The following EPHB2 variants were observed in gnomAD, a reference collection of about 807,000 sequenced individuals.
The protein encoded by EPHB2 is ephrin type-B receptor 2.
A neutral mutation model predicts 96.4 loss-of-function variants in EPHB2; 18 were observed. The observed-to-expected ratio is 0.19, with a 90% CI of 0.13 to 0.28. The LOEUF (loss-of-function observed/expected upper bound fraction) is 0.28, where lower values mean the gene tolerates loss of function less well. Ranked by LOEUF, EPHB2 falls within the 10% of genes least tolerant of loss-of-function variation. EPHB2 has a pLI of 1.00. For synonymous variants in EPHB2, 506 were observed against 534.1 expected, an observed-to-expected ratio of 0.95 and a Z score of 0.72; for missense variants, 989 against 1,355.4, an observed-to-expected ratio of 0.73 and a Z score of 4.25.
intron 1 of EPHB2, among the ~76,000 whole-genome samples, chr1:22,764,771 C>T (rs537706140): frequency 6.6e-6 from 1 of 152,224 alleles, no homozygotes; most frequent in South Asian, 2.1e-4. Context: ...AGGCCACTCT[C>T]TCAGACCCTG....
At chr1:22,757,566 A>T (rs10917291) in intron 1 of EPHB2, among the ~76,000 whole-genome samples, 140,931 of 152,184 alleles carry the variant, frequency 0.93, 66,220 homozygotes, top group East Asian at 1. Context: ...TTTACCCTAA[A>T]GATATTAAAA....
rs750106983 is a variant in EPHB2 at position 22,914,566 on chromosome 1, A to G, written c.*996A>G. 1.3e-5 allele frequency: 2 copies of G among 152,520 alleles called. No individual in the cohort carries two copies. The highest frequency in any genetic ancestry group is 2.9e-5 in the Non-Finnish European group (2 of 68,026). The allele number at this position is 152,520 out of a possible 1,614,324, so 9.4% of individuals were successfully genotyped here. The stretch of plus-strand genomic sequence containing the variant: ...TGTTTTTTGGTTTTTTTTAATGACA[A>G]TGAAGTGACACTTTGACATTTCCTA... On this transcript the variant is annotated 3_prime_UTR_variant, in exon 16 of 16. Coordinates refer to ENST00000374630, the MANE Select transcript of EPHB2 (RefSeq NM_017449.5).
At chr1:22,773,984 G>T (rs1365606386) in intron 1 of EPHB2, among the ~76,000 whole-genome samples, 1 of 152,222 alleles carries the variant, frequency 6.6e-6, no homozygotes, top group Non-Finnish European at 1.5e-5. Flanking sequence ...ACGATGAAAT[G>T]GGATAATGAG....
intron 1 of EPHB2, among the ~76,000 whole-genome samples, chr1:22,778,574 G>GAGT (rs1644485328): frequency 6.6e-6 from 1 of 152,222 alleles, no homozygotes; most frequent in South Asian, 2.1e-4. Flanking sequence ...GCAAAGCCAG[G>GAGT]AGTGGCACAG....
chr1:22,735,078 T>C (rs1313105666), intron 1 of EPHB2, among the ~76,000 whole-genome samples: 1 of 152,148 alleles, frequency 6.6e-6, no homozygotes. Flanking sequence ...TACCGACTCC[T>C]GTGGCCTGTG....
In EPHB2 at chr1:22,907,626, G is replaced by A. The variant is rs139327536; in HGVS notation, c.2137-327G>A. On this transcript the variant is annotated intron_variant, in intron 11 of 15. Coordinates refer to ENST00000374630, the MANE Select transcript of EPHB2 (RefSeq NM_017449.5). ...TGTATAACCCAGAATAGCCCTGGGG[G>A]ATGGGTGTGATTTAGGCCCATTTAA... 6.6e-5 allele frequency among the ~76,000 whole-genome samples: 10 copies of A among 152,338 alleles called. No homozygotes were observed. The East Asian group carries it at 1.9e-3, about 29-fold the overall frequency.
chr1:22,824,697 T>G (rs977783886), intron 3 of EPHB2, among the ~76,000 whole-genome samples: 3 of 152,276 alleles, frequency 2.0e-5, no homozygotes, highest in Non-Finnish European at 4.4e-5. Context: ...AATGAACAGC[T>G]AATTAACATC....
At chr1:22,725,019 T>C (rs1260165195) in intron 1 of EPHB2, among the ~76,000 whole-genome samples, 2 of 152,094 alleles carry the variant, frequency 1.3e-5, no homozygotes, top group African/African-American at 2.4e-5. Flanking sequence ...TCCCTCTCAC[T>C]GGCCCCTCCC....
chr1:22,894,764 TG>T (rs922261378), intron 7 of EPHB2, among the ~76,000 whole-genome samples: 4 of 152,128 alleles, frequency 2.6e-5, no homozygotes, highest in African/African-American at 9.7e-5. Flanking sequence ...AATGCCTGGC[TG>T]GGGTGCTACT....
chr1:22,713,922 A>G (rs1330799484), intron 1 of EPHB2, among the ~76,000 whole-genome samples: 1 of 152,190 alleles, frequency 6.6e-6, no homozygotes, highest in Non-Finnish European at 1.5e-5. Flanking sequence ...GAAAGAAAGC[A>G]TGGAGCATGT....
intron 13 of EPHB2, 132 bp downstream of exon 13, chr1:22,909,303 A>C: frequency 1.4e-6 from 2 of 1,420,532 alleles, no homozygotes; most frequent in African/African-American, 1.4e-5. Context: ...CCTGGCTCCC[A>C]GGGCAGCTGC....
rs1264123606 is a variant in EPHB2 at position 22,846,582 on chromosome 1, G to T, written c.812-16455G>T. On this transcript the variant is annotated intron_variant, in intron 3 of 15. Transcript: ENST00000374630. The surrounding 1 kb of genome is among the most constrained non-coding windows in gnomAD (Gnocchi z 4.3). ...GCACGCACCTGTTGCTGGGTAGGCG[G>T]CTTGTTGCCTCTCCAGCCTCGTGTC... is the stretch of plus-strand genomic sequence containing the variant. 1.3e-5 allele frequency among the ~76,000 whole-genome samples: 2 copies of T among 152,180 alleles called. No individual in the cohort carries two copies. The highest frequency in any genetic ancestry group is 2.9e-5 in the Non-Finnish European group (2 of 68,026).
intron 5 of EPHB2, among the ~76,000 whole-genome samples, chr1:22,867,826 C>T (rs191729848): frequency 1.4e-3 from 209 of 152,248 alleles, no homozygotes; most frequent in African/African-American, 3.9e-3. Flanking sequence ...GAGCTGAGAT[C>T]GTGCCACTGC....
intron 3 of EPHB2, among the ~76,000 whole-genome samples, chr1:22,804,894 G>A (rs562329939): frequency 1.8e-4 from 27 of 149,644 alleles, no homozygotes; most frequent in East Asian, 3.9e-4. Context: ...CTCTCTCCCC[G>A]TCTCTCTAGC....
chr1:22,892,811 C>A, intron 6 of EPHB2, 73 bp from the exon 7 acceptor site: 1 of 1,593,954 alleles, frequency 6.3e-7, no homozygotes, highest in Non-Finnish European at 8.6e-7. Context: ...CCCAATGTGG[C>A]AGGAGCAGGC....
In EPHB2 at chr1:22,920,405, C is replaced by T. The variant is rs1288404510; in HGVS notation, c.*6835C>T. 6.6e-6 allele frequency: 1 copy of T among 152,280 alleles called. No homozygotes were observed. Among genetic ancestry groups the T allele is most frequent in the Non-Finnish European group, 1.5e-5 (1 of 68,064 alleles). 9.4% of individuals were successfully genotyped at this position (152,280 alleles called of 1,614,324 possible). A position where few individuals can be genotyped will look rare whatever the true frequency, so the allele number is the denominator to read the frequency against. ...TTCCGAAGCAGAACCCCTTCCTATTCAGAGCCAGAGTCTTAACACTGGACA... is the reference window on the plus strand; with the variant it reads ...TTCCGAAGCAGAACCCCTTCCTATTTAGAGCCAGAGTCTTAACACTGGACA... On this transcript the variant is annotated 3_prime_UTR_variant, in exon 16 of 16. Coordinates refer to ENST00000374630, the MANE Select transcript of EPHB2 (RefSeq NM_017449.5).
intron 1 of EPHB2, among the ~76,000 whole-genome samples, chr1:22,720,516 C>T (rs192490520): frequency 1.3e-3 from 198 of 152,202 alleles, no homozygotes; most frequent in African/African-American, 4.4e-3. Context: ...TGAATCTAGA[C>T]GCCCCCTTAC....
At chr1:22,895,188 A>C (rs1292801576) in intron 7 of EPHB2, among the ~76,000 whole-genome samples, 1 of 152,190 alleles carries the variant, frequency 6.6e-6, no homozygotes, top group Non-Finnish European at 1.5e-5. Context: ...TGTGTGTGTC[A>C]GCTGTTATTA....
intron 1 of EPHB2, among the ~76,000 whole-genome samples, chr1:22,716,807 C>T (rs1270357129): frequency 1.3e-5 from 2 of 152,324 alleles, no homozygotes; most frequent in East Asian, 3.9e-4. Flanking sequence ...GACAGGATGC[C>T]TGGGCTGGGC....
Sources: allele counts gnomAD v4.1 joint callset (sites outside exome capture counted in the v4.1 genomes callset), GRCh38; gene constraint gnomAD v4.1.1; non-coding constraint Gnocchi (gnomAD v3.1); transcripts MANE v1.5; gene names NCBI Gene and HGNC (gene_info 2026-07-23, HGNC 2026-07-21).